AKNAD1: variants seen among roughly 807,000 people sequenced by gnomAD.
AKNAD1 encodes protein AKNAD1.
A neutral mutation model predicts 90.8 loss-of-function variants in AKNAD1; 67 were observed. That is an observed-to-expected ratio of 0.74 (90% confidence interval 0.61 to 0.90). The LOEUF is 0.90. Among genes scored for constraint, AKNAD1 ranks in the 40% least tolerant of loss-of-function variants. The pLI, the probability that AKNAD1 is intolerant of heterozygous loss-of-function variation, is 0.00. For missense variants in AKNAD1, 957 were observed against 975.4 expected (o/e 0.98, Z 0.25); for synonymous variants, 327 against 341.4 (o/e 0.96, Z 0.46).
At chr1:108,835,759 G>T (rs935137573) in intron 7 of AKNAD1, among the ~76,000 whole-genome samples, 98 of 152,010 alleles carry the variant, frequency 6.4e-4, no homozygotes, top group Non-Finnish European at 6.5e-4. Context: ...CAAGTAGCTG[G>T]GATTACAGGC....
chr1:108,848,822 G>A lies in AKNAD1; in HGVS notation c.1183-8C>T, dbSNP rs781408392. On this transcript the variant is annotated splice_polypyrimidine_tract_variant and splice_region_variant and intron_variant, in intron 4 of 15. Transcript: ENST00000370001. ...TTTGGAAAATTCTTGTACCTGCAGTGAAAAAATTACAATCTCTCATTAATG... is the reference window on the plus strand; with the variant it reads ...TTTGGAAAATTCTTGTACCTGCAGTAAAAAAATTACAATCTCTCATTAATG... The A allele has an allele frequency of 6.2e-7, 1 of 1,609,418 alleles. No homozygotes were observed.
At chr1:108,817,482 CTT>C (rs386368009) in intron 14 of AKNAD1, 30 of 103,458 alleles carry the variant, frequency 2.9e-4, no homozygotes, top group Admixed American at 5.2e-4. Flanking sequence ...GGCCAACTTT[CTT>C]TTTTTTTTTT....
intron 5 of AKNAD1, 145 bp downstream of exon 5, chr1:108,848,606 GC>G (rs1362917466): frequency 4.3e-6 from 3 of 692,544 alleles, no homozygotes; most frequent in African/African-American, 1.8e-5. Context: ...AGCTCTTTTA[GC>G]CCCCATAAAC....
At chr1:108,847,477 C>T (rs1664735662) in intron 5 of AKNAD1, among the ~76,000 whole-genome samples, 1 of 151,182 alleles carries the variant, frequency 6.6e-6, no homozygotes, top group East Asian at 1.9e-4. Flanking sequence ...AAAAAACCTT[C>T]AATGCTGCCC....
chr1:108,833,233 A>C (rs72697188), intron 9 of AKNAD1, among the ~76,000 whole-genome samples: 23,388 of 152,098 alleles, frequency 0.15, 2,115 homozygotes, highest in African/African-American at 0.25. Flanking sequence ...GTAAAATCCT[A>C]TTTTGGCCAA....
At chr1:108,817,230 C>T (rs1663641393) in intron 14 of AKNAD1, 53 bp from the exon 15 acceptor site, 1 of 1,605,768 alleles carries the variant, frequency 6.2e-7, no homozygotes, top group African/African-American at 1.3e-5. Flanking sequence ...CTCAAGCACA[C>T]TCCTGTTCAC....
Position 108,837,563 on chromosome 1 carries a change from G to A in AKNAD1, c.1523C>T (p.Ser508Leu). 1 of 1,614,138 alleles carries A rather than the reference G, an allele frequency of 6.2e-7. No homozygotes were observed. The highest frequency in any genetic ancestry group is 1.1e-5 in the South Asian group (1 of 91,074). The part of the protein sequence containing the change: ...TLDDLASTFS[S>L]LSNEIPKEHP... ...TTGCTGTATTACCTCATTTGAGAGTGAAGAGAAGGTGGAGGCCAAGTCATC... is the reference window on the plus strand; with the variant it reads ...TTGCTGTATTACCTCATTTGAGAGTAAAGAGAAGGTGGAGGCCAAGTCATC... Residue 508 changes from serine to leucine, a missense_variant, in exon 7 of 16, where the codon TCA (serine) becomes TTA (leucine). Transcript: ENST00000370001.
At chr1:108,828,059 C>T (rs1664069278) in intron 10 of AKNAD1, among the ~76,000 whole-genome samples, 1 of 150,718 alleles carries the variant, frequency 6.6e-6, no homozygotes, top group Non-Finnish European at 1.5e-5. Context: ...CAAGGTCAGC[C>T]AGGGCAACAT....
intron 9 of AKNAD1, among the ~76,000 whole-genome samples, chr1:108,833,840 T>C (rs921148893): frequency 1.3e-5 from 2 of 151,942 alleles, no homozygotes; most frequent in African/African-American, 4.8e-5. Context: ...TCCACCTGAG[T>C]TGGAGACCCG....
intron 10 of AKNAD1, 84 bp from the exon 11 acceptor site, chr1:108,827,386 A>G: frequency 1.0e-6 from 1 of 997,928 alleles, no homozygotes; most frequent in Admixed American, 1.8e-5. Context: ...GAAACGTTAA[A>G]TTTTGTTATA....
At chr1:108,834,555 T>C in intron 8 of AKNAD1, 27 bp from the exon 9 acceptor site, 1 of 1,537,272 alleles carries the variant, frequency 6.5e-7, no homozygotes, top group Non-Finnish European at 8.8e-7. Flanking sequence ...AAAAGCAGTT[T>C]GAATGTTAGA....
Position 108,848,922 on chromosome 1 carries a change from A to G in AKNAD1, c.1172T>C (p.Leu391Pro), listed in dbSNP as rs780042523. Residue 391 changes from leucine (L) to proline (P), a missense_variant, in exon 4 of 16, where the codon CTG (leucine) becomes CCG (proline). Physicochemically the swap from Leu to Pro is moderately conservative, Grantham distance 98 (BLOSUM62 -3). Coordinates refer to ENST00000370001, the MANE Select transcript of AKNAD1 (RefSeq NM_152763.5). ...CTTTAAAAGTATTACTTTAGTCTTCAGTTGATCAGTCTGTTCTTTCAACTT... is the reference window on the plus strand; with the variant it reads ...CTTTAAAAGTATTACTTTAGTCTTCGGTTGATCAGTCTGTTCTTTCAACTT... The part of the protein sequence containing the change: ...CQKLKEQTDQ[L>P]KTKVQEFSKR... 1.2e-6 allele frequency: 2 copies of G among 1,602,256 alleles called. No individual in the cohort carries two copies. Among genetic ancestry groups the G allele is most frequent in the Admixed American group, 3.5e-5 (2 of 57,104 alleles).
Position 108,827,299 on chromosome 1 carries a change from C to A in AKNAD1, c.1842G>T (p.Lys614Asn). ...CAFCRRLLEW[K>N]QNVEKKGHGR... ...CGTGGCCCTTTTTCTCCACGTTTTG[C>A]TTCCTAAAAAAAGGTGCATAAGATC... is the stretch of plus-strand genomic sequence containing the variant. The change falls in exon 11 of 16, where the codon AAG becomes AAT. Residue 614 changes from lysine (K) to asparagine (N), a missense_variant. Transcript: ENST00000370001. The A allele has an allele frequency of 1.2e-6, 2 of 1,606,598 alleles. No homozygotes were observed. Among genetic ancestry groups the A allele is most frequent in the Non-Finnish European group, 1.7e-6 (2 of 1,175,474 alleles).
At chr1:108,849,387 G>A (rs1309008098) in intron 3 of AKNAD1, 150 bp downstream of exon 3, 2 of 600,320 alleles carry the variant, frequency 3.3e-6, no homozygotes, top group Non-Finnish European at 5.8e-6. Context: ...GATGAGGTGG[G>A]AGGATCATTT....
intron 6 of AKNAD1, among the ~76,000 whole-genome samples, chr1:108,839,868 T>G (rs553534190): frequency 2.0e-5 from 3 of 152,072 alleles, no homozygotes; most frequent in African/African-American, 7.2e-5. Context: ...AAAAAAAATT[T>G]TTTTTAATTA....
intron 11 of AKNAD1, among the ~76,000 whole-genome samples, chr1:108,824,472 A>C (rs1455509150): frequency 1.3e-5 from 2 of 150,702 alleles, no homozygotes; most frequent in Non-Finnish European, 3.0e-5. Context: ...CATATTATAC[A>C]ATATATAGTA....
intron 13 of AKNAD1, chr1:108,823,159 C>T (rs61797355): frequency 0.047 from 33,457 of 718,148 alleles, 978 homozygotes; most frequent in Admixed American, 0.075. Context: ...TTGGTCACTG[C>T]GATTTCATAT....
At chr1:108,846,741 A>T (rs937836987) in intron 5 of AKNAD1, among the ~76,000 whole-genome samples, 7 of 152,030 alleles carry the variant, frequency 4.6e-5, no homozygotes, top group African/African-American at 1.4e-4. Flanking sequence ...GCCCAAATCT[A>T]CATTTCTCAC....
At chr1:108,857,336 A>T (rs976132279), upstream of AKNAD1, 1 of 153,098 alleles carries the variant, frequency 6.5e-6, no homozygotes. Context: ...TTGATGCTGA[A>T]GTGCTAGCCT....
Sources: allele counts gnomAD v4.1 joint callset (sites outside exome capture counted in the v4.1 genomes callset), GRCh38; gene constraint gnomAD v4.1.1; transcripts MANE v1.5; gene names NCBI Gene and HGNC (gene_info 2026-07-23, HGNC 2026-07-21).